The following ZNF385B variants were observed in gnomAD, a reference collection of about 807,000 sequenced individuals.
The protein encoded by ZNF385B is zinc finger protein 385B, also known as zinc finger protein 533.
In ZNF385B, 23 loss-of-function variants were observed where a neutral mutation model predicts 39.2. The ratio of observed to expected loss-of-function variants is 0.59; its 90% CI spans 0.42 to 0.83. The LOEUF is 0.83. Among genes scored for constraint, ZNF385B ranks in the 40% least tolerant of loss-of-function variants. The pLI, the probability that ZNF385B is intolerant of heterozygous loss-of-function variation, is 0.00. For missense variants in ZNF385B, 552 were observed against 598.9 expected (o/e 0.92, Z 0.82); for synonymous variants, 205 against 222.6 (o/e 0.92, Z 0.70).
intron 3 of ZNF385B, chr2:179,562,517 T>C (rs1684037242): frequency 1.0e-6 from 1 of 985,400 alleles, no homozygotes; most frequent in African/African-American, 1.7e-5. Flanking sequence ...AATGTGGTGC[T>C]AGGAAACAGC....
At chr2:179,760,871 T>G (rs1703341280) in intron 3 of ZNF385B, among the ~76,000 whole-genome samples, 2 of 152,204 alleles carry the variant, frequency 1.3e-5, no homozygotes, top group Non-Finnish European at 2.9e-5. Flanking sequence ...ATTTTTATGT[T>G]TTTTACATTT....
At chr2:179,513,176 T>C (rs1574535730) in intron 5 of ZNF385B, among the ~76,000 whole-genome samples, 2 of 152,198 alleles carry the variant, frequency 1.3e-5, no homozygotes, top group East Asian at 3.8e-4. Context: ...AGGATGAGCA[T>C]CTTCTTAATT....
At chr2:179,481,418 C>T (rs1021936211) in intron 6 of ZNF385B, among the ~76,000 whole-genome samples, 3 of 151,304 alleles carry the variant, frequency 2.0e-5, no homozygotes, top group Admixed American at 2.0e-4. Context: ...TCTTCTTCCA[C>T]ACCTTTCCTT....
intron 1 of ZNF385B, among the ~76,000 whole-genome samples, chr2:179,787,526 T>A (rs1306098087): frequency 6.6e-6 from 1 of 152,180 alleles, no homozygotes; most frequent in Admixed American, 6.6e-5. Flanking sequence ...CATCTTGGAC[T>A]ACTGTGTAAA....
chr2:179,832,776 T>G (rs1332073426), intron 1 of ZNF385B, among the ~76,000 whole-genome samples: 1 of 152,206 alleles, frequency 6.6e-6, no homozygotes, highest in South Asian at 2.1e-4. Flanking sequence ...AAGATATGCT[T>G]AGAGAAAATA....
intron 3 of ZNF385B, among the ~76,000 whole-genome samples, chr2:179,719,705 A>G (rs1289703042): frequency 2.0e-5 from 3 of 152,228 alleles, no homozygotes; most frequent in Admixed American, 6.5e-5. Context: ...CATCAAATAC[A>G]TCTTCAATAG....
intron 3 of ZNF385B, among the ~76,000 whole-genome samples, chr2:179,748,296 TA>T (rs1464340302): frequency 6.6e-6 from 1 of 151,944 alleles, no homozygotes; most frequent in Non-Finnish European, 1.5e-5. Flanking sequence ...CAAAACATAA[TA>T]ATAATAGTAC....
chr2:179,669,415 G>A (rs1206703223), intron 3 of ZNF385B, among the ~76,000 whole-genome samples: 1 of 152,174 alleles, frequency 6.6e-6, no homozygotes, highest in Non-Finnish European at 1.5e-5. Context: ...GACTTAATGG[G>A]CTTAGGTGGG....
At chr2:179,644,635 A>G (rs1692555946) in intron 3 of ZNF385B, among the ~76,000 whole-genome samples, 1 of 152,174 alleles carries the variant, frequency 6.6e-6, no homozygotes, top group African/African-American at 2.4e-5. Context: ...TTCCAAAGAT[A>G]ATTTTGGCAA....
intron 3 of ZNF385B, among the ~76,000 whole-genome samples, chr2:179,607,908 CTTTTTTTTTTT>C (rs71029822): frequency 1.5e-3 from 142 of 97,470 alleles, no homozygotes; most frequent in African/African-American, 6.1e-3. Flanking sequence ...CTCAGAAACT[CTTTTTTTTTTT>C]TTTTTTTTTT....
intron 3 of ZNF385B, among the ~76,000 whole-genome samples, chr2:179,585,662 A>C (rs1574906860): frequency 6.6e-6 from 1 of 152,358 alleles, no homozygotes; most frequent in Non-Finnish European, 1.5e-5. Context: ...CAGTCTTGGA[A>C]TAATTGACTC....
intron 3 of ZNF385B, among the ~76,000 whole-genome samples, chr2:179,766,246 G>A (rs1043844163): frequency 1.9e-4 from 29 of 151,976 alleles, no homozygotes; most frequent in Non-Finnish European, 2.6e-4. Flanking sequence ...AATTCCCATC[G>A]ATGCCAACTC....
At chr2:179,781,964 C>A (rs2106524695) in intron 1 of ZNF385B, among the ~76,000 whole-genome samples, 1 of 152,260 alleles carries the variant, frequency 6.6e-6, no homozygotes, top group Admixed American at 6.5e-5. Flanking sequence ...GGAGAGACTC[C>A]TCCCCAGCTC....
intron 5 of ZNF385B, among the ~76,000 whole-genome samples, chr2:179,490,048 G>T (rs1247944358): frequency 1.3e-5 from 2 of 152,162 alleles, no homozygotes; most frequent in Admixed American, 6.5e-5. Flanking sequence ...GTATCTTCTG[G>T]ATTGTGCCAG....
chr2:179,812,502 G>T (rs2106568287), intron 1 of ZNF385B, among the ~76,000 whole-genome samples: 1 of 152,282 alleles, frequency 6.6e-6, no homozygotes, highest in African/African-American at 2.4e-5. Context: ...CAATATGGAT[G>T]CAGCTGGAGG....
chr2:179,628,969 T>C (rs1338297491), intron 3 of ZNF385B, among the ~76,000 whole-genome samples: 2 of 152,256 alleles, frequency 1.3e-5, no homozygotes, highest in African/African-American at 4.8e-5. Flanking sequence ...GCTATCATTA[T>C]GCACTAACAG....
chr2:179,662,086 C>G (rs190842745), intron 3 of ZNF385B, among the ~76,000 whole-genome samples: 2 of 152,146 alleles, frequency 1.3e-5, no homozygotes, highest in African/African-American at 2.4e-5. Context: ...ATTAGTGAAG[C>G]AGATGTTCAT....
At chr2:179,581,704 G>C (rs989830506) in intron 3 of ZNF385B, among the ~76,000 whole-genome samples, 1 of 152,204 alleles carries the variant, frequency 6.6e-6, no homozygotes, top group Non-Finnish European at 1.5e-5. Flanking sequence ...GATACAGAAA[G>C]CATTTCCCAG....
At chr2:179,451,537 G>A (rs2050157979) in intron 6 of ZNF385B, among the ~76,000 whole-genome samples, 1 of 152,040 alleles carries the variant, frequency 6.6e-6, no homozygotes, top group Non-Finnish European at 1.5e-5. Flanking sequence ...CACTTACATG[G>A]TCTAAAATTC....
Sources: gnomAD v4.1 joint callset for allele counts (sites outside exome capture counted in the v4.1 genomes callset) on GRCh38, gnomAD v4.1.1 for gene constraint, MANE v1.5 for transcripts, NCBI Gene and HGNC (gene_info 2026-07-23, HGNC 2026-07-21) for gene names.